Variants in ZAN observed in about 807,000 individuals in gnomAD.
The protein encoded by ZAN is zonadhesin, also known as zonadhesin (gene/pseudogene).
ZAN carries 260 observed loss-of-function variants against 286.2 expected under a neutral mutation model. That is an observed-to-expected ratio of 0.91 (90% CI 0.82 to 1.01). ZAN has a LOEUF of 1.01. Among genes scored for constraint, ZAN ranks in the 50% least tolerant of loss-of-function variants. ZAN has a pLI of 0.00. For missense variants in ZAN, 3,410 were observed against 3,639.2 expected, an observed-to-expected ratio of 0.94 and a Z score of 1.62; for synonymous variants, 1,368 against 1,417.5, an observed-to-expected ratio of 0.97 and a Z score of 0.79.
At chr7:100,747,086 TAAAA>T (rs979153526) in intron 8 of ZAN, among the ~76,000 whole-genome samples, 2 of 140,872 alleles carry the variant, frequency 1.4e-5, no homozygotes, top group Non-Finnish European at 3.1e-5. Context: ...CCCTCTCAAA[TAAAA>T]AAGAAAGTTG....
Position 100,786,128 on chromosome 7 carries a change from T to G in ZAN, c.6966T>G (p.Asn2322Lys). 6.2e-7 allele frequency: 1 copy of G among 1,613,880 alleles called. No homozygotes were observed. The highest frequency in any genetic ancestry group is 8.5e-7 in the Non-Finnish European group (1 of 1,179,860). ...TCACTTCCGACAACAGCAACAGCAA[T>G]TGTGTCTCAGACAGTAAGGGGAGCG... The part of the protein sequence containing the change: ...CQLTSDNSNS[N>K]CVSDKSEQCS... Residue 2322 changes from asparagine to lysine, a missense_variant, in exon 37 of 48, where the codon AAT becomes AAG. Transcript: ENST00000613979.
chr7:100,749,374 C>T (rs895911428), intron 11 of ZAN, among the ~76,000 whole-genome samples: 2 of 151,922 alleles, frequency 1.3e-5, no homozygotes, highest in African/African-American at 4.8e-5. Context: ...GGCGCAGTGG[C>T]TCACACCTGT....
intron 17 of ZAN, 82 bp from the exon 18 acceptor site, chr7:100,759,633 CTCCCTG>C: frequency 7.1e-7 from 1 of 1,415,228 alleles, no homozygotes; most frequent in Non-Finnish European, 9.3e-7. Flanking sequence ...GCGCTCATCT[CTCCCTG>C]CGGCGCCAGG....
chr7:100,793,813 C>T lies in ZAN; in HGVS notation c.7788-7C>T, dbSNP rs750601883. 9 of 1,574,494 alleles carry T rather than the reference C, an allele frequency of 5.7e-6. No homozygotes were observed. The highest frequency in any genetic ancestry group is 7.8e-6 in the Non-Finnish European group (9 of 1,157,552). On this transcript the variant is annotated splice_polypyrimidine_tract_variant and splice_region_variant and intron_variant, in intron 42 of 47. Transcript: ENST00000613979. Reference sequence around the variant, plus strand: ...CAGCCAGTTTCTGACCATGACTGTCCCCGCAGCCATGGAGTGTCCAGCAGG... The same window carrying T: ...CAGCCAGTTTCTGACCATGACTGTCTCCGCAGCCATGGAGTGTCCAGCAGG...
intron 25 of ZAN, 125 bp from the exon 26 acceptor site, chr7:100,767,706 T>G: frequency 9.1e-7 from 1 of 1,093,006 alleles, no homozygotes; most frequent in South Asian, 1.7e-5. Flanking sequence ...CTCGAGATCC[T>G]GGGCTCAAGC....
At chr7:100,779,240 G>T (rs535542158) in intron 34 of ZAN, among the ~76,000 whole-genome samples, 1 of 151,744 alleles carries the variant, frequency 6.6e-6, no homozygotes, top group African/African-American at 2.4e-5. Context: ...GTGGTGGTGG[G>T]TGCCTGTAGT....
intron 30 of ZAN, 57 bp from the exon 31 acceptor site, chr7:100,773,664 T>A: frequency 6.3e-7 from 1 of 1,576,290 alleles, no homozygotes; most frequent in Non-Finnish European, 8.6e-7. Flanking sequence ...ACTGGGGCGT[T>A]GGCCCATCTC....
intron 31 of ZAN, 41 bp from the exon 32 acceptor site, chr7:100,775,287 C>T (rs1382334474): frequency 1.2e-6 from 2 of 1,600,630 alleles, no homozygotes; most frequent in African/African-American, 1.3e-5. Flanking sequence ...CTGTACCTGC[C>T]AGAGGAGCGT....
chr7:100,759,966 C>G, intron 18 of ZAN, 121 bp downstream of exon 18: 1 of 1,409,718 alleles, frequency 7.1e-7, no homozygotes, highest in South Asian at 1.5e-5. Context: ...GCAATCCCAG[C>G]TCCTTGGGAG....
chr7:100,743,030 TC>T (rs1458351037), intron 7 of ZAN, among the ~76,000 whole-genome samples: 1 of 132,756 alleles, frequency 7.5e-6, no homozygotes, highest in Admixed American at 7.5e-5. Context: ...TCTTTTTCTT[TC>T]TTTTTTTTTT....
intron 19 of ZAN, among the ~76,000 whole-genome samples, chr7:100,760,744 G>A (rs1276210465): frequency 6.6e-6 from 1 of 152,190 alleles, no homozygotes; most frequent in East Asian, 1.9e-4. Flanking sequence ...TTCGGGGCAT[G>A]TGATAGATAG....
intron 36 of ZAN, 144 bp downstream of exon 36, chr7:100,784,978 C>T: frequency 1.0e-6 from 1 of 962,830 alleles, no homozygotes; most frequent in Non-Finnish European, 1.5e-6. Context: ...GCACATTGAT[C>T]TCCAGCCAGG....
In ZAN at chr7:100,738,623, G is replaced by A. The variant is rs377078924; in HGVS notation, c.766+10G>A. 62 of 1,514,088 alleles carry A rather than the reference G, an allele frequency of 4.1e-5. 8 individuals are homozygous for A. The highest frequency in any genetic ancestry group is 6.8e-5 in the South Asian group (6 of 88,048). 93.8% of individuals were successfully genotyped at this position (1,514,088 alleles called of 1,614,324 possible). Reference sequence around the variant, plus strand: ...TTCTCTAGCCCTGGTAGTGAGTAGCGGCCATGCTTCTGTCCCTTGACTTTC... The same window carrying A: ...TTCTCTAGCCCTGGTAGTGAGTAGCAGCCATGCTTCTGTCCCTTGACTTTC... On this transcript the variant is annotated intron_variant, in intron 7 of 47. Coordinates refer to ENST00000613979, the MANE Select transcript of ZAN (RefSeq NM_003386.3).
chr7:100,783,722 C>T (rs1361241287), intron 35 of ZAN, among the ~76,000 whole-genome samples: 1 of 100,338 alleles, frequency 1.0e-5, no homozygotes, highest in Non-Finnish European at 1.9e-5. Flanking sequence ...TCCGTCCCTG[C>T]CCGTCCCCCG....
At position 100,751,986 on chromosome 7, in the gene ZAN, C is replaced by T; in HGVS notation, c.1881C>T (p.Thr627=). Residue 627 remains threonine, a synonymous_variant, in exon 14 of 48, where the codon ACC becomes ACT. Coordinates refer to ENST00000613979, the MANE Select transcript of ZAN (RefSeq NM_003386.3). ...EKPTIPSEKP[T]ILTEKPTIPS... ...CCACCATTCCCTCAGAAAAACCCAC[C>T]ATCCTCACAGAAAAACCCACCATTC... is the stretch of plus-strand genomic sequence containing the variant. 2 of 1,612,828 alleles carry T rather than the reference C, an allele frequency of 1.2e-6. No individual in the cohort carries two copies. Among genetic ancestry groups the T allele is most frequent in the East Asian group, 4.5e-5 (2 of 44,782 alleles).
At chr7:100,737,179 C>T (rs1807373143) in intron 5 of ZAN, 83 bp from the exon 6 acceptor site, 1 of 1,418,772 alleles carries the variant, frequency 7.0e-7, no homozygotes, top group South Asian at 1.2e-5. Flanking sequence ...GGGGCCAAGC[C>T]ATCTGAATTC....
rs1807341504 is a variant in ZAN at position 100,736,906 on chromosome 7, G to A, written c.351G>A (p.Val117=). ...PDLWEQGPLC[V]HFAHHMFGLS... is the part of the protein sequence containing the mutation. ...TATGGGAGCAAGGCCCCCTCTGTGT[G>A]CACTTTGCCCACCACATGTTCGGGC... Residue 117 remains valine, a synonymous_variant, in exon 5 of 48, where the codon GTG becomes GTA. Transcript: ENST00000613979. 8 of 1,492,434 alleles carry A rather than the reference G, an allele frequency of 5.4e-6. 1 individual carries two copies. The highest frequency in any genetic ancestry group is 4.2e-5 in the African/African-American group (3 of 70,794). The allele number at this position is 1,492,434 out of a possible 1,614,324, so 92.4% of individuals were successfully genotyped here. A position where few individuals can be genotyped will look rare whatever the true frequency, so the allele number is the denominator to read the frequency against.
At chr7:100,734,736 G>C (rs1807188178) in intron 2 of ZAN, among the ~76,000 whole-genome samples, 1 of 141,096 alleles carries the variant, frequency 7.1e-6, no homozygotes, top group Admixed American at 7.1e-5. Flanking sequence ...GAGCGGGACA[G>C]GGCTACAATG....
rs1810383924 is a variant in ZAN at position 100,771,827 on chromosome 7, C to T, written c.5249-17C>T. ...CCGGCCCCTCCCCTGGCTCATCTGC[C>T]TTCTCTCTTCCTGCAGGACCCTTCT... On this transcript the variant is annotated splice_polypyrimidine_tract_variant and intron_variant, in intron 28 of 47. Transcript: ENST00000613979. 6.2e-7 allele frequency: 1 copy of T among 1,601,422 alleles called. No homozygotes were observed.
Sources: allele counts gnomAD v4.1 joint callset (sites outside exome capture counted in the v4.1 genomes callset), GRCh38; gene constraint gnomAD v4.1.1; transcripts MANE v1.5; gene names NCBI Gene and HGNC (gene_info 2026-07-23, HGNC 2026-07-21).